The following CHN2 variants were observed in gnomAD, a reference collection of about 807,000 sequenced individuals.
CHN2 encodes the protein beta-chimaerin.
Under a neutral mutation model 56.3 loss-of-function variants are expected in CHN2, and 35 were observed. The ratio of observed to expected loss-of-function variants is 0.62; its 90% CI spans 0.47 to 0.82. The LOEUF (loss-of-function observed/expected upper bound fraction) is 0.82, where lower values mean the gene tolerates loss of function less well. CHN2 is among the 40% of genes least tolerant of loss of function. CHN2 has a pLI of 0.00. For missense variants in CHN2, 491 were observed against 580.5 expected, an observed-to-expected ratio of 0.85 and a Z score of 1.58; for synonymous variants, 210 against 212.8, an observed-to-expected ratio of 0.99 and a Z score of 0.12.
At chr7:29,497,947 A>G (rs1488465910) in intron 8 of CHN2, among the ~76,000 whole-genome samples, 1 of 152,166 alleles carries the variant, frequency 6.6e-6, no homozygotes, top group Non-Finnish European at 1.5e-5. Context: ...TCAGCTTTGG[A>G]AGATGAAAAA....
chr7:29,266,676 C>A (rs1167482581), intron 1 of CHN2, among the ~76,000 whole-genome samples: 1 of 152,190 alleles, frequency 6.6e-6, no homozygotes, highest in East Asian at 1.9e-4. Context: ...TACCCAGGGT[C>A]ATCCAGCCAG....
intron 2 of CHN2, among the ~76,000 whole-genome samples, chr7:29,161,206 T>C (rs764865251): frequency 6.6e-6 from 1 of 152,120 alleles, no homozygotes; most frequent in Non-Finnish European, 1.5e-5. Flanking sequence ...CAGGCTCATG[T>C]CTTAGCACAT....
intron 6 of CHN2, among the ~76,000 whole-genome samples, chr7:29,417,735 A>G (rs999162982): frequency 9.2e-5 from 14 of 152,202 alleles, no homozygotes; most frequent in African/African-American, 3.4e-4. Flanking sequence ...AAGTTTTAGA[A>G]TACAGTCCAC....
Position 29,347,757 on chromosome 7 carries a change from C to G in CHN2, c.50-6868C>G, listed in dbSNP as rs1332544718. Among the ~76,000 whole-genome samples, 3 of 152,146 alleles carry G rather than the reference C, an allele frequency of 2.0e-5. No individual in the cohort carries two copies. The East Asian group carries it at 5.8e-4, about 29-fold the overall frequency. ...AATGTCCATCAATTAGAAATTATTA[C>G]ATAAATGAACTAAGTATATTTTGCT... On this transcript the variant is annotated intron_variant, in intron 1 of 12. Coordinates refer to ENST00000222792, the MANE Select transcript of CHN2 (RefSeq NM_004067.4).
chr7:29,244,697 A>G (rs1168079993), intron 1 of CHN2, among the ~76,000 whole-genome samples: 1 of 152,244 alleles, frequency 6.6e-6, no homozygotes, highest in East Asian at 1.9e-4. Context: ...TATGGAGCTT[A>G]CAGATCTTGA....
intron 6 of CHN2, among the ~76,000 whole-genome samples, chr7:29,417,167 A>AC (rs1363874867): frequency 1.3e-5 from 2 of 151,978 alleles, no homozygotes; most frequent in Non-Finnish European, 2.9e-5. Flanking sequence ...CAGTTCTGTG[A>AC]CCCCGCAGGA....
chr7:29,442,721 A>G (rs139088319), intron 6 of CHN2, among the ~76,000 whole-genome samples: 5,674 of 152,142 alleles, frequency 0.037, 142 homozygotes, highest in Middle Eastern at 0.075. Context: ...TCTCATGTCA[A>G]TTTATACTGG....
chr7:29,239,093 C>CATGT (rs2128808652), intron 1 of CHN2, among the ~76,000 whole-genome samples: 1 of 152,256 alleles, frequency 6.6e-6, no homozygotes, highest in South Asian at 2.1e-4. Context: ...GAAGGGACTA[C>CATGT]AGGAGGCATG....
chr7:29,483,997 G>C, intron 7 of CHN2: 1 of 676,314 alleles, frequency 1.5e-6, no homozygotes, highest in Non-Finnish European at 2.4e-6. Context: ...TTTGATGTTA[G>C]CATCTATTAT....
intron 2 of CHN2, among the ~76,000 whole-genome samples, chr7:29,156,670 G>A (rs900736003): frequency 1.3e-5 from 2 of 152,110 alleles, no homozygotes; most frequent in Non-Finnish European, 2.9e-5. Flanking sequence ...CATTATTGGT[G>A]TAATTTTGAC....
At chr7:29,497,102 C>T (rs538869512) in intron 8 of CHN2, among the ~76,000 whole-genome samples, 1 of 152,276 alleles carries the variant, frequency 6.6e-6, no homozygotes, top group African/African-American at 2.4e-5. Context: ...GGTGTTGATA[C>T]CTGGATGGTT....
intron 2 of CHN2, among the ~76,000 whole-genome samples, chr7:29,149,638 C>T (rs1793309866): frequency 6.6e-6 from 1 of 152,154 alleles, no homozygotes; most frequent in Non-Finnish European, 1.5e-5. Context: ...TCTCATAGTT[C>T]TGGAGGCTAC....
chr7:29,192,947 G>GT (rs984105636), upstream of CHN2: 4 of 152,258 alleles, frequency 2.6e-5, no homozygotes, highest in African/African-American at 9.6e-5. Flanking sequence ...TGGGGAAACA[G>GT]TAAGTTCCTT....
At chr7:29,170,194 C>T (rs1231529454) in intron 2 of CHN2, among the ~76,000 whole-genome samples, 2 of 152,098 alleles carry the variant, frequency 1.3e-5, no homozygotes, top group Non-Finnish European at 2.9e-5. Context: ...TAAGGTGCTT[C>T]CTTGGCTACT....
intron 1 of CHN2, among the ~76,000 whole-genome samples, chr7:29,275,600 C>T (rs767193290): frequency 3.3e-5 from 5 of 152,176 alleles, no homozygotes; most frequent in Non-Finnish European, 7.3e-5. Flanking sequence ...TATCTCATGC[C>T]AGCACTGAGC....
chr7:29,200,482 C>A (rs3793323), intron 1 of CHN2, among the ~76,000 whole-genome samples: 133 of 139,972 alleles, frequency 9.5e-4, no homozygotes, highest in Non-Finnish European at 3.1e-4. Flanking sequence ...CCTTCCCCCC[C>A]CCTTTTGTCT....
intron 6 of CHN2, among the ~76,000 whole-genome samples, chr7:29,456,191 A>G (rs539894842): frequency 1.3e-5 from 2 of 152,008 alleles, no homozygotes; most frequent in South Asian, 4.2e-4. Context: ...ACCTTGGAGT[A>G]CCTCCCATCT....
chr7:29,355,190 C>G (rs1411192039), intron 2 of CHN2, among the ~76,000 whole-genome samples: 1 of 151,950 alleles, frequency 6.6e-6, no homozygotes, highest in African/African-American at 2.4e-5. Flanking sequence ...AGGATGGTCT[C>G]GAACTCCCGA....
chr7:29,402,601 T>C (rs1013481700), intron 6 of CHN2, among the ~76,000 whole-genome samples: 2 of 152,218 alleles, frequency 1.3e-5, no homozygotes, highest in African/African-American at 4.8e-5. Context: ...AAGCAGTGTT[T>C]ATATTTCTGA....
Sources: allele counts gnomAD v4.1 joint callset (sites outside exome capture counted in the v4.1 genomes callset), GRCh38; gene constraint gnomAD v4.1.1; transcripts MANE v1.5; gene names NCBI Gene and HGNC (gene_info 2026-07-23, HGNC 2026-07-21).